The following AMER1 variants were observed in gnomAD, a reference collection of about 807,000 sequenced individuals.
AMER1 encodes the protein APC membrane recruitment protein 1.
AMER1 carries 16 observed loss-of-function variants against 53.0 expected under a neutral mutation model. The observed-to-expected ratio is 0.30, with a 90% CI of 0.20 to 0.46. The LOEUF is 0.46. Among genes scored for constraint, AMER1 ranks in the 20% least tolerant of loss-of-function variants. The pLI is 1.00. For missense variants in AMER1, 947 were observed against 884.9 expected, an observed-to-expected ratio of 1.07 and a Z score of -0.89; for synonymous variants, 354 against 331.9, an observed-to-expected ratio of 1.07 and a Z score of -0.73.
Position 64,190,811 on chromosome X carries a change from G to T in AMER1, c.2476C>A (p.Pro826Thr). The part of the protein sequence containing the change: ...RDGEGKCEEN[P>T]EFHNDEDLAA... ...AGATCTTCATCATTGTGGAACTCAG[G>T]ATTCTCTTCACACTTGCCTTCCCCA... Residue 826 changes from proline to threonine, a missense_variant, in exon 2 of 2, where the codon CCT becomes ACT. Pro to Thr is a conservative substitution (Grantham distance 38, BLOSUM62 -1). Coordinates refer to ENST00000374869, the MANE Select transcript of AMER1 (RefSeq NM_152424.4). The T allele has an allele frequency of 8.3e-7, 1 of 1,211,059 alleles. No individual in the cohort carries two copies. Among genetic ancestry groups the T allele is most frequent in the Non-Finnish European group, 1.1e-6 (1 of 895,188 alleles).
rs752114973 is a variant in AMER1, at chrX:64,188,095, AAC to A, written c.*1782_*1783del. The stretch of plus-strand genomic sequence containing the variant: ...GCATGGACACATCCCCTGGCCAAGA[AAC>A]AGTTTGCCCACAAAGTCACCTTGAC... On this transcript the variant is annotated 3_prime_UTR_variant, in exon 2 of 2. Coordinates refer to ENST00000374869, the MANE Select transcript of AMER1 (RefSeq NM_152424.4). The A allele has an allele frequency of 6.0e-4, 473 of 788,404 alleles. 2 individuals carry two copies. In the African/African-American group the frequency reaches 0.01, roughly 17 times the overall value. 65.0% of individuals were successfully genotyped at this position (788,404 alleles called of 1,213,427 possible).
chrX:64,186,490 A>G lies in AMER1; in HGVS notation c.*3389T>C, dbSNP rs762974982. 58 of 784,155 alleles carry G rather than the reference A, an allele frequency of 7.4e-5. No homozygotes were observed. Among genetic ancestry groups the G allele is most frequent in the Non-Finnish European group, 8.3e-5 (55 of 658,750 alleles). The allele number at this position is 784,155 out of a possible 1,213,427, so 64.6% of individuals were successfully genotyped here. On this transcript the variant is annotated 3_prime_UTR_variant, in exon 2 of 2. Coordinates refer to ENST00000374869, the MANE Select transcript of AMER1 (RefSeq NM_152424.4). ...GCAACATACACATGGGTAAACTTGA[A>G]GTCTCCCTGCTAAACCCCATGCCTC...
At chrX:64,203,452 G>A (rs183251849) in intron 1 of AMER1, among the ~76,000 whole-genome samples, 1 of 111,750 alleles carries the variant, frequency 8.9e-6, no homozygotes, top group East Asian at 2.8e-4. Flanking sequence ...GAGGGTTGTG[G>A]CTGAGGTCCA....
Position 64,189,793 on chromosome X carries a change from A to ACGGGGCCCCCCCCCCCC in AMER1, c.*85_*86insGGGGGGGGGGGGCCCCG. ...CAAAGGGTTTTCAAGTTAAACAACA[A>ACGGGGCCCCCCCCCCCC]CCCCCACCCCCCCACCCTTCTGCCC... On this transcript the variant is annotated 3_prime_UTR_variant, in exon 2 of 2. Transcript: ENST00000374869. The ACGGGGCCCCCCCCCCCC allele has an allele frequency of 3.4e-6, 1 of 292,066 alleles. No homozygotes were observed. Among genetic ancestry groups the ACGGGGCCCCCCCCCCCC allele is most frequent in the Non-Finnish European group, 4.9e-6 (1 of 204,825 alleles). 24.1% of individuals were successfully genotyped at this position (292,066 alleles called of 1,213,427 possible). A position where few individuals can be genotyped will look rare whatever the true frequency, so the allele number is the denominator to read the frequency against.
rs2147086293 is a variant in AMER1, at chrX:64,190,943, G to C, written c.2344C>G (p.Leu782Val). ...ALVEFTSNGN[L>V]FSSMSCSSDS... is the part of the protein sequence containing the mutation. ...GAGCTGCAGGACATGCTGGAAAAGA[G>C]GTTCCCATTGCTGGTGAACTCTACC... The change falls in exon 2 of 2, where the codon CTC (leucine) becomes GTC (valine). Residue 782 changes from leucine (L) to valine (V), a missense_variant. Coordinates refer to ENST00000374869, the MANE Select transcript of AMER1 (RefSeq NM_152424.4). 4 of 1,211,102 alleles carry C rather than the reference G, an allele frequency of 3.3e-6. No homozygotes were observed. The highest frequency in any genetic ancestry group is 4.5e-6 in the Non-Finnish European group (4 of 895,227).
Position 64,189,793 on chromosome X carries a change from A to AGGGGGGGCCC in AMER1, c.*85_*86insGGGCCCCCCC. The stretch of plus-strand genomic sequence containing the variant: ...CAAAGGGTTTTCAAGTTAAACAACA[A>AGGGGGGGCCC]CCCCCACCCCCCCACCCTTCTGCCC... On this transcript the variant is annotated 3_prime_UTR_variant, in exon 2 of 2. Transcript: ENST00000374869. 3.4e-6 allele frequency: 1 copy of AGGGGGGGCCC among 292,067 alleles called. No individual in the cohort carries two copies. The highest frequency in any genetic ancestry group is 4.9e-6 in the Non-Finnish European group (1 of 204,827). 24.1% of individuals were successfully genotyped at this position (292,067 alleles called of 1,213,427 possible).
rs1602066544 is a variant in AMER1, at chrX:64,190,223, G to A, written c.3064C>T (p.Arg1022Cys). 3 of 1,211,581 alleles carry A rather than the reference G, an allele frequency of 2.5e-6. No individual in the cohort carries two copies. Among genetic ancestry groups the A allele is most frequent in the East Asian group, 3.0e-5 (1 of 33,820 alleles). ...APGESGPQLARPSHLHLPMGP... is the reference protein window; with the variant it reads ...APGESGPQLACPSHLHLPMGP... Reference sequence around the variant, plus strand: ...ATGGGCAGGTGTAGGTGTGAGGGACGAGCTAGTTGAGGCCCAGATTCCCCA... The same window carrying A: ...ATGGGCAGGTGTAGGTGTGAGGGACAAGCTAGTTGAGGCCCAGATTCCCCA... The change falls in exon 2 of 2, where the codon CGT (arginine) becomes TGT (cysteine). Residue 1022 changes from arginine to cysteine, a missense_variant. Arg to Cys is a radical substitution (Grantham distance 180). Transcript: ENST00000374869.
chrX:64,185,800 GT>G lies in AMER1; in HGVS notation c.*4078del, dbSNP rs1469229117. The stretch of plus-strand genomic sequence containing the variant: ...AGCTCCTAGGAAGTCCTATGCAAGG[GT>G]TTCCTCAACGAGATGGTAAATTCCT... On this transcript the variant is annotated 3_prime_UTR_variant, in exon 2 of 2. Transcript: ENST00000374869. The G allele has an allele frequency of 1.2e-4, 26 of 221,655 alleles. No individual in the cohort carries two copies. The highest frequency in any genetic ancestry group is 7.1e-4 in the African/African-American group (25 of 35,166). The allele number at this position is 221,655 out of a possible 1,213,427, so 18.3% of individuals were successfully genotyped here.
chrX:64,188,542 TA>T lies in AMER1; in HGVS notation c.*1336del, dbSNP rs1185621051. 2 of 802,435 alleles carry T rather than the reference TA, an allele frequency of 2.5e-6. No homozygotes were observed. Among genetic ancestry groups the T allele is most frequent in the African/African-American group, 4.4e-5 (2 of 45,359 alleles). The allele number at this position is 802,435 out of a possible 1,213,427, so 66.1% of individuals were successfully genotyped here. Reference sequence around the variant, plus strand: ...GCTAAGGACTCGGCTAATTGGAAGATAAAAGCTCTTTAAAGGGCCCAGAACA... The same window carrying T: ...GCTAAGGACTCGGCTAATTGGAAGATAAAGCTCTTTAAAGGGCCCAGAACA... On this transcript the variant is annotated 3_prime_UTR_variant, in exon 2 of 2. Transcript: ENST00000374869.
rs2147086193 is a variant in AMER1, at chrX:64,190,886, G to T, written c.2401C>A (p.Pro801Thr). 8.3e-7 allele frequency: 1 copy of T among 1,211,757 alleles called. No individual in the cohort carries two copies. The highest frequency in any genetic ancestry group is 1.1e-6 in the Non-Finnish European group (1 of 895,536). ...DSDSSFTQNL[P>T]ELPPMVTFDI... ...AAGGTCACCATGGGAGGCAGCTCAG[G>T]GAGGTTTTGAGTGAAAGATGAGTCA... The change falls in exon 2 of 2, where the codon CCT (proline) becomes ACT (threonine). Residue 801 changes from proline (P) to threonine (T), a missense_variant. Coordinates refer to ENST00000374869, the MANE Select transcript of AMER1 (RefSeq NM_152424.4).
At chrX:64,205,147 G>A (rs979183471) in intron 1 of AMER1, among the ~76,000 whole-genome samples, 1 of 113,752 alleles carries the variant, frequency 8.8e-6, no homozygotes, top group Non-Finnish European at 1.9e-5. Context: ...GGGGTGAGCG[G>A]TACCCGCGTT....
At chrX:64,204,643 G>A (rs1294073642) in intron 1 of AMER1, among the ~76,000 whole-genome samples, 1 of 113,404 alleles carries the variant, frequency 8.8e-6, no homozygotes, top group Non-Finnish European at 1.9e-5. Context: ...TCGGCCTCTG[G>A]CAAGGAAATG....
chrX:64,196,544 G>A (rs1407490752), intron 1 of AMER1, among the ~76,000 whole-genome samples: 3 of 111,992 alleles, frequency 2.7e-5, no homozygotes, highest in African/African-American at 9.7e-5. Context: ...TTCACTGTGG[G>A]AAGCTCAGGG....
Position 64,189,793 on chromosome X carries a change from A to AGGGGGGGGGCC in AMER1, c.*85_*86insGGCCCCCCCCC. 4 of 292,060 alleles carry AGGGGGGGGGCC rather than the reference A, an allele frequency of 1.4e-5. No individual in the cohort carries two copies. Among genetic ancestry groups the AGGGGGGGGGCC allele is most frequent in the Non-Finnish European group, 2.0e-5 (4 of 204,819 alleles). 24.1% of individuals were successfully genotyped at this position (292,060 alleles called of 1,213,427 possible). On this transcript the variant is annotated 3_prime_UTR_variant, in exon 2 of 2. Coordinates refer to ENST00000374869, the MANE Select transcript of AMER1 (RefSeq NM_152424.4). ...CAAAGGGTTTTCAAGTTAAACAACAACCCCCACCCCCCCACCCTTCTGCCC... is the reference window on the plus strand; with the variant it reads ...CAAAGGGTTTTCAAGTTAAACAACAAGGGGGGGGGCCCCCCCACCCCCCCACCCTTCTGCCC...
Position 64,193,080 on chromosome X carries a change from C to G in AMER1, c.207G>C (p.Leu69=), listed in dbSNP as rs751676547. ...TCCGTCCCCCTCCAAAGAAACTAGG[C>G]AGAGTACAGATACCCTTCTTGCCAC... ...LFGGKKGICT[L]PSFFGGGRSK... is the part of the protein sequence containing the mutation. The change falls in exon 2 of 2, where the codon CTG becomes CTC. Residue 69 remains leucine (L), a synonymous_variant. Transcript: ENST00000374869. The G allele has an allele frequency of 3.3e-6, 4 of 1,210,429 alleles. No homozygotes were observed. The Admixed American group carries it at 8.7e-5, about 26-fold the overall frequency.
At position 64,189,792 on chromosome X, in the gene AMER1, A is replaced by AGCGGGGGCCCCCCCCCCCCCCCCC; in HGVS notation, c.*86_*87insGGGGGGGGGGGGGGGGGCCCCCGC. 1 of 746,979 alleles carries AGCGGGGGCCCCCCCCCCCCCCCCC rather than the reference A, an allele frequency of 1.3e-6. No homozygotes were observed. Among genetic ancestry groups the AGCGGGGGCCCCCCCCCCCCCCCCC allele is most frequent in the Non-Finnish European group, 1.7e-6 (1 of 590,434 alleles). The allele number at this position is 746,979 out of a possible 1,213,427, so 61.6% of individuals were successfully genotyped here. ...CCAAAGGGTTTTCAAGTTAAACAACAACCCCCACCCCCCCACCCTTCTGCC... is the reference window on the plus strand; with the variant it reads ...CCAAAGGGTTTTCAAGTTAAACAACAGCGGGGGCCCCCCCCCCCCCCCCCACCCCCACCCCCCCACCCTTCTGCC... On this transcript the variant is annotated 3_prime_UTR_variant, in exon 2 of 2. Transcript: ENST00000374869.
chrX:64,200,392 C>T lies in AMER1; in HGVS notation c.-99+5178G>A, dbSNP rs771469585. On this transcript the variant is annotated intron_variant, in intron 1 of 1. Transcript: ENST00000374869. Reference sequence around the variant, plus strand: ...CTATGTGTCCACTCCCCTCTACTAACCATGCCCTGTGTGAGAAACCAAGTG... The same window carrying T: ...CTATGTGTCCACTCCCCTCTACTAATCATGCCCTGTGTGAGAAACCAAGTG... Among the ~76,000 whole-genome samples the T allele has an allele frequency of 1.1e-4, 12 of 112,398 alleles. No individual in the cohort carries two copies. The South Asian group carries it at 3.7e-3, about 35-fold the overall frequency.
Position 64,197,785 on chromosome X carries a change from A to T in AMER1, c.-98-4401T>A, listed in dbSNP as rs980514207. The stretch of plus-strand genomic sequence containing the variant: ...AATCAACTCTGCCCAGCTAGGGGAA[A>T]TCCAGCAAGTTTTTTCCCATGTTTA... On this transcript the variant is annotated intron_variant, in intron 1 of 1. Transcript: ENST00000374869. Among the ~76,000 whole-genome samples the T allele has an allele frequency of 4.4e-5, 5 of 112,414 alleles. No homozygotes were observed. The South Asian group carries it at 1.8e-3, about 41-fold the overall frequency.
Position 64,186,603 on chromosome X carries a change from G to T in AMER1, c.*3276C>A, listed in dbSNP as rs369868502. On this transcript the variant is annotated 3_prime_UTR_variant, in exon 2 of 2. Transcript: ENST00000374869. ...AAAGCTGCTGGCAGCAGGATGAAGG[G>T]TACACACCCAGCCTCCTGAGTGTGT... 125 of 773,130 alleles carry T rather than the reference G, an allele frequency of 1.6e-4. No individual in the cohort carries two copies. In the South Asian group the frequency reaches 7.5e-3, roughly 47 times the overall value. The allele number at this position is 773,130 out of a possible 1,213,427, so 63.7% of individuals were successfully genotyped here.
Sources: gnomAD v4.1 joint callset for allele counts (sites outside exome capture counted in the v4.1 genomes callset) on GRCh38, gnomAD v4.1.1 for gene constraint, MANE v1.5 for transcripts, NCBI Gene and HGNC (gene_info 2026-07-23, HGNC 2026-07-21) for gene names.